NOL7: variants seen among roughly 807,000 people sequenced by gnomAD.
NOL7 encodes U3 small nucleolar RNA-associated protein NOL7.
In NOL7, 36 loss-of-function variants were observed where a neutral mutation model predicts 38.4. That is an observed-to-expected ratio of 0.94 (90% CI 0.72 to 1.24). The LOEUF is 1.24. NOL7 is among the 50% of genes most tolerant of loss of function. The probability of loss-of-function intolerance (pLI) is 0.00; values close to 1 mark genes in which losing one functional copy is unlikely to be tolerated. For synonymous variants in NOL7, 142 were observed against 126.5 expected (o/e 1.12, Z -0.82); for missense variants, 350 against 315.1 (o/e 1.11, Z -0.84).
chr6:13,625,187 G>A (rs1272787053), downstream of NOL7, among the ~76,000 whole-genome samples: 1 of 152,058 alleles, frequency 6.6e-6, no homozygotes, highest in Non-Finnish European at 1.5e-5. Flanking sequence ...ATTAATCTAT[G>A]TTCTTAACGT....
intron 8 of NOL7, among the ~76,000 whole-genome samples, chr6:13,630,800 C>T (rs189155797): frequency 2.6e-3 from 388 of 151,842 alleles, no homozygotes; most frequent in Non-Finnish European, 4.7e-3. Context: ...ATTAAAGAGA[C>T]TTACAAAAAA....
chr6:13,620,261 C>G lies in NOL7; in HGVS notation c.554C>G (p.Ser185Ter), dbSNP rs1054895185. The change falls in exon 6 of 8, where the codon TCA becomes TGA. Residue 185 changes from serine (S) to a stop codon, truncating the protein, a stop_gained. Coordinates refer to ENST00000451315, the MANE Select transcript of NOL7 (RefSeq NM_016167.5). LOFTEE classifies it high-confidence loss of function. ...CTAAAAGACCAAGATCTGAGAGATTCAAGGCAACAAGCAGCACAAGCCTTC... is the reference window on the plus strand; with the variant it reads ...CTAAAAGACCAAGATCTGAGAGATTGAAGGCAACAAGCAGCACAAGCCTTC... ...VRLKDQDLRD[S>*]RQQAAQAFIH... The G allele has an allele frequency of 5.0e-6, 8 of 1,614,024 alleles. No individual in the cohort carries two copies. Among genetic ancestry groups the G allele is most frequent in the Non-Finnish European group, 6.8e-6 (8 of 1,179,986 alleles).
Position 13,618,065 on chromosome 6 carries a change from G to T in NOL7, c.426G>T (p.Leu142Phe), listed in dbSNP as rs1186592806. The T allele has an allele frequency of 6.6e-7, 1 of 1,520,306 alleles. No homozygotes were observed. Among genetic ancestry groups the T allele is most frequent in the African/African-American group, 1.4e-5 (1 of 72,014 alleles). The allele number at this position is 1,520,306 out of a possible 1,614,324, so 94.2% of individuals were successfully genotyped here. A position where few individuals can be genotyped will look rare whatever the true frequency, so the allele number is the denominator to read the frequency against. The change falls in exon 5 of 8, where the codon TTG (leucine) becomes TTT (phenylalanine). Residue 142 changes from leucine (L) to phenylalanine (F), a missense_variant. By Grantham distance (22) the Leu-to-Phe change is conservative. Transcript: ENST00000451315. ...TGTAACTCTATTTTTTAGTTAATTT[G>T]CAAAAGAAAAATGAAGACTGTGAAA... is the stretch of plus-strand genomic sequence containing the variant. ...KSPGKVKEVN[L>F]QKKNEDCEKG...
chr6:13,622,942 G>A (rs1489318129), downstream of NOL7, among the ~76,000 whole-genome samples: 2 of 152,176 alleles, frequency 1.3e-5, no homozygotes, highest in Non-Finnish European at 2.9e-5. Flanking sequence ...CAAACAGGCT[G>A]CCTAGCCATC....
At chr6:13,617,673 G>A (rs1764327107) in intron 3 of NOL7, 97 bp from the exon 4 acceptor site, 2 of 1,129,898 alleles carry the variant, frequency 1.8e-6, no homozygotes, top group Non-Finnish European at 2.6e-6. Context: ...GGTAATGAAA[G>A]GGGGTGTCTT....
intron 8 of NOL7, among the ~76,000 whole-genome samples, chr6:13,632,007 C>A (rs866552385): frequency 6.6e-6 from 1 of 151,974 alleles, no homozygotes; most frequent in Non-Finnish European, 1.5e-5. Flanking sequence ...TTTATCTGCA[C>A]GCCCACATTG....
downstream of NOL7, among the ~76,000 whole-genome samples, chr6:13,622,916 C>T (rs1272903844): frequency 6.6e-6 from 1 of 152,192 alleles, no homozygotes; most frequent in Non-Finnish European, 1.5e-5. Flanking sequence ...GGTTCTTCCA[C>T]CTCTGTGGAT....
At position 13,621,666 on chromosome 6, in the gene NOL7, T is replaced by C. The variant is rs953394471; in HGVS notation, c.*839T>C. ...ATAAATAAAGGTCATAACCACACCGTTGACATGTAATACTGTTATAATACA... is the reference window on the plus strand; with the variant it reads ...ATAAATAAAGGTCATAACCACACCGCTGACATGTAATACTGTTATAATACA... On this transcript the variant is annotated 3_prime_UTR_variant, in exon 8 of 8. Coordinates refer to ENST00000451315, the MANE Select transcript of NOL7 (RefSeq NM_016167.5). 4.6e-5 allele frequency: 7 copies of C among 152,656 alleles called. No individual in the cohort carries two copies. The highest frequency in any genetic ancestry group is 1.2e-4 in the African/African-American group (5 of 41,472). 9.5% of individuals were successfully genotyped at this position (152,656 alleles called of 1,614,324 possible).
At chr6:13,630,822 T>C (rs1345486506) in intron 8 of NOL7, among the ~76,000 whole-genome samples, 8 of 151,906 alleles carry the variant, frequency 5.3e-5, no homozygotes, top group Non-Finnish European at 8.8e-5. Flanking sequence ...TATAAAGCAA[T>C]GCCACTCTTC....
chr6:13,617,715 GT>G (rs1326633452), intron 3 of NOL7, 54 bp from the exon 4 acceptor site: 12 of 1,546,016 alleles, frequency 7.8e-6, no homozygotes, highest in South Asian at 1.1e-5. Flanking sequence ...AATATAACAT[GT>G]TTTGAGTAAT....
intron 8 of NOL7, among the ~76,000 whole-genome samples, chr6:13,627,044 G>A (rs532034403): frequency 1.6e-4 from 24 of 152,178 alleles, no homozygotes; most frequent in Non-Finnish European, 2.4e-4. Flanking sequence ...ATATTGCTGA[G>A]TATTTCATTC....
chr6:13,625,609 T>C, downstream of NOL7: 1 of 1,415,526 alleles, frequency 7.1e-7, no homozygotes, highest in Non-Finnish European at 1.0e-6. Context: ...TCTTAAATTT[T>C]CAGAGAATCT....
downstream of NOL7, among the ~76,000 whole-genome samples, chr6:13,626,062 G>C (rs191362772): frequency 9.2e-5 from 14 of 152,140 alleles, no homozygotes; most frequent in African/African-American, 3.4e-4. Context: ...GGTGTAGGGA[G>C]AGTGGAAGGC....
intron 2 of NOL7, 76 bp downstream of exon 2, chr6:13,615,848 G>T (rs890777551): frequency 2.8e-6 from 4 of 1,443,060 alleles, no homozygotes; most frequent in Non-Finnish European, 3.8e-6. Flanking sequence ...TGTAATTTGG[G>T]TTGGCAGGAT....
chr6:13,620,926 C>CTATT lies in NOL7; in HGVS notation c.*101_*104dup. The CTATT allele has an allele frequency of 1.3e-6, 1 of 764,102 alleles. No individual in the cohort carries two copies. The highest frequency in any genetic ancestry group is 2.0e-6 in the Non-Finnish European group (1 of 488,166). 47.3% of individuals were successfully genotyped at this position (764,102 alleles called of 1,614,324 possible). A position where few individuals can be genotyped will look rare whatever the true frequency, so the allele number is the denominator to read the frequency against. The stretch of plus-strand genomic sequence containing the variant: ...AAGGATCATTATAAAAATCATAAAC[C>CTATT]TATTTGAGGAAGTGCTCAACCACAT... On this transcript the variant is annotated 3_prime_UTR_variant, in exon 8 of 8. Coordinates refer to ENST00000451315, the MANE Select transcript of NOL7 (RefSeq NM_016167.5).
chr6:13,615,561 CT>C lies in NOL7; in HGVS notation c.206del (p.Phe69SerfsTer26). 1.3e-6 allele frequency: 2 copies of C among 1,565,666 alleles called. No homozygotes were observed. Among genetic ancestry groups the C allele is most frequent in the South Asian group, 1.2e-5 (1 of 86,220 alleles). On this transcript the variant is annotated frameshift_variant, in exon 1 of 8. Transcript: ENST00000451315. LOFTEE classifies it high-confidence loss of function. Reference sequence around the variant, plus strand: ...GACGATGAGGCCCCGGAGGAGCTGACTTTCGCCAGCGCCCAGGCGGAAGCGA... The same window carrying C: ...GACGATGAGGCCCCGGAGGAGCTGACTTCGCCAGCGCCCAGGCGGAAGCGA... ...EFDDEAPEEL[T>X]FASAQAEARE...
intron 8 of NOL7, among the ~76,000 whole-genome samples, chr6:13,630,959 G>A (rs1188708321): frequency 3.3e-5 from 5 of 151,782 alleles, no homozygotes; most frequent in African/African-American, 7.3e-5. Context: ...ACCGGCGCCC[G>A]CCACCAGGCC....
intron 8 of NOL7, among the ~76,000 whole-genome samples, chr6:13,628,009 A>C (rs1243224914): frequency 6.6e-6 from 1 of 152,180 alleles, no homozygotes; most frequent in Non-Finnish European, 1.5e-5. Flanking sequence ...GTGTTTAAAA[A>C]CTCAGAGAAA....
chr6:13,625,591 A>T (rs1382929281), downstream of NOL7: 2 of 1,206,250 alleles, frequency 1.7e-6, no homozygotes, highest in Non-Finnish European at 2.4e-6. Context: ...GCCAGTACAA[A>T]CACCCTCTCT....
Sources: gnomAD v4.1 joint callset for allele counts (sites outside exome capture counted in the v4.1 genomes callset) on GRCh38, gnomAD v4.1.1 for gene constraint, MANE v1.5 for transcripts, NCBI Gene and HGNC (gene_info 2026-07-23, HGNC 2026-07-21) for gene names.